SLX4: variants seen among roughly 807,000 people sequenced by gnomAD.
SLX4 encodes the protein structure-specific endonuclease subunit SLX4.
Under a neutral mutation model 146.2 loss-of-function variants are expected in SLX4, and 112 were observed. The observed-to-expected ratio is 0.77, with a 90% CI of 0.66 to 0.90. The LOEUF is 0.90. Among genes scored for constraint, SLX4 ranks in the 40% least tolerant of loss-of-function variants. SLX4 has a pLI of 0.00. For missense variants in SLX4, 2,563 were observed against 2,392.7 expected (o/e 1.07, Z -1.49); for synonymous variants, 1,061 against 997.7 (o/e 1.06, Z -1.20).
At chr16:3,594,861 C>CA (rs1323306284) in intron 9 of SLX4, among the ~76,000 whole-genome samples, 1 of 152,184 alleles carries the variant, frequency 6.6e-6, no homozygotes, top group East Asian at 1.9e-4. Flanking sequence ...AGATGCCAGA[C>CA]ATGGGGCTAG....
Position 3,609,218 on chromosome 16 carries a change from C to A in SLX4, c.-254G>T, listed in dbSNP as rs889892552. ...GGTCAGAAGTTCGAGACCAGCCTGG[C>A]CAATATGGTGAAACCTCGTTTCAAC... On this transcript the variant is annotated 5_prime_UTR_variant, in exon 2 of 15. Coordinates refer to ENST00000294008, the MANE Select transcript of SLX4 (RefSeq NM_032444.4). The A allele has an allele frequency of 7.2e-5, 31 of 427,918 alleles. No homozygotes were observed. The highest frequency in any genetic ancestry group is 1.2e-4 in the Non-Finnish European group (28 of 230,166). The allele number at this position is 427,918 out of a possible 1,614,324, so 26.5% of individuals were successfully genotyped here.
intron 3 of SLX4, among the ~76,000 whole-genome samples, chr16:3,604,995 C>G (rs1394758539): frequency 6.7e-6 from 1 of 148,970 alleles, no homozygotes; most frequent in Admixed American, 6.7e-5. Context: ...AATCACAGCT[C>G]ACTGCAGCTC....
intron 3 of SLX4, among the ~76,000 whole-genome samples, chr16:3,605,593 G>A (rs1038133351): frequency 6.6e-6 from 1 of 151,948 alleles, no homozygotes; most frequent in African/African-American, 2.4e-5. Flanking sequence ...AATACTGAGG[G>A]TTATCTTTTT....
intron 2 of SLX4, 40 bp downstream of exon 2, chr16:3,608,390 G>A: frequency 6.2e-7 from 1 of 1,611,146 alleles, no homozygotes. Context: ...GCCCTTTCCA[G>A]GAAGTTTTCC....
intron 3 of SLX4, among the ~76,000 whole-genome samples, chr16:3,602,548 C>T (rs989411815): frequency 9.9e-5 from 15 of 152,160 alleles, no homozygotes; most frequent in African/African-American, 3.6e-4. Context: ...GGAAGCTTGT[C>T]GACACTCAGA....
chr16:3,593,017 T>A (rs1046877683), intron 10 of SLX4, 152 bp from the exon 11 acceptor site: 41 of 724,674 alleles, frequency 5.7e-5, no homozygotes, highest in Admixed American at 1.2e-4. Flanking sequence ...TAGAGTACAG[T>A]GGTGTGATCA....
At chr16:3,588,872 G>T in intron 12 of SLX4, 130 bp downstream of exon 12, 1 of 1,142,384 alleles carries the variant, frequency 8.8e-7, no homozygotes, top group Non-Finnish European at 1.3e-6. Flanking sequence ...GGAAGGCAGC[G>T]GAAGTGTCAT....
intron 3 of SLX4, among the ~76,000 whole-genome samples, chr16:3,605,352 G>A (rs1012963858): frequency 2.0e-5 from 3 of 152,002 alleles, no homozygotes; most frequent in Non-Finnish European, 2.9e-5. Context: ...GCCTCCCAAA[G>A]TGCTGGCATT....
chr16:3,581,817 C>T lies in SLX4; in HGVS notation c.*525G>A, dbSNP rs975065382. The stretch of plus-strand genomic sequence containing the variant: ...CAGCACTTTGGGAGGCCGCAGCAGG[C>T]GGATTGCCTGAGCTCTGGAGTTTGT... On this transcript the variant is annotated 3_prime_UTR_variant, in exon 15 of 15. Transcript: ENST00000294008. 7 of 168,452 alleles carry T rather than the reference C, an allele frequency of 4.2e-5. No individual in the cohort carries two copies. The highest frequency in any genetic ancestry group is 6.5e-5 in the Non-Finnish European group (5 of 77,092). 10.4% of individuals were successfully genotyped at this position (168,452 alleles called of 1,614,324 possible).
In SLX4 at chr16:3,589,789, G is replaced by T. The variant is rs200928592; in HGVS notation, c.3849C>A (p.Ala1283=). 3 of 1,613,378 alleles carry T rather than the reference G, an allele frequency of 1.9e-6. No homozygotes were observed. Among genetic ancestry groups the T allele is most frequent in the Non-Finnish European group, 2.5e-6 (3 of 1,180,026 alleles). Residue 1283 remains alanine (A), a synonymous_variant, in exon 12 of 15, where the codon GCC becomes GCA. Coordinates refer to ENST00000294008, the MANE Select transcript of SLX4 (RefSeq NM_032444.4). This position sits in a 1 kb window ranked among gnomAD's most constrained non-coding sequence, Gnocchi z 6.2. ...TQISSLRSGL[A]VQAVTQHTPR... is the part of the protein sequence containing the mutation. Reference sequence around the variant, plus strand: ...GCGTGTGCTGAGTCACCGCCTGCACGGCCAGCCCGCTCCTGAGGCTGCTGA... The same window carrying T: ...GCGTGTGCTGAGTCACCGCCTGCACTGCCAGCCCGCTCCTGAGGCTGCTGA...
In SLX4 at chr16:3,598,641, G is replaced by A. The variant is rs1204585803; in HGVS notation, c.1164-642C>T. ...AATAAGCTGGGCAAGAAGGAGGAGG[G>A]CAGAGGTGACAAAGGAACTTAGCAC... On this transcript the variant is annotated intron_variant, in intron 5 of 14. Transcript: ENST00000294008. Among the ~76,000 whole-genome samples the A allele has an allele frequency of 5.9e-5, 9 of 152,242 alleles. No individual in the cohort carries two copies. The East Asian group carries it at 1.7e-3, about 29-fold the overall frequency.
Position 3,583,274 on chromosome 16 carries a change from G to A in SLX4, c.4976C>T (p.Pro1659Leu). 6.2e-7 allele frequency: 1 copy of A among 1,614,202 alleles called. No individual in the cohort carries two copies. Among genetic ancestry groups the A allele is most frequent in the Non-Finnish European group, 8.5e-7 (1 of 1,180,034 alleles). Residue 1659 changes from proline to leucine, a missense_variant, in exon 14 of 15, where the codon CCT (proline) becomes CTT (leucine). Physicochemically the swap from Pro to Leu is moderately conservative, Grantham distance 98 (BLOSUM62 -3). Transcript: ENST00000294008. ...ATGTCGGGGGCCCTTGGTCTTAGCA[G>A]GTCCCTTGGGCCTATGGGCCCCAGG... is the stretch of plus-strand genomic sequence containing the variant. ...TGPGAHRPKG[P>L]AKTKGPRHQR...
At chr16:3,594,652 C>G (rs944174034) in intron 9 of SLX4, 53 bp from the exon 10 acceptor site, 6 of 1,612,580 alleles carry the variant, frequency 3.7e-6, no homozygotes, top group Non-Finnish European at 4.2e-6. Context: ...GCTCTGCTAA[C>G]TGGGCAGTGG....
At chr16:3,607,851 C>A (rs1028286546) in intron 2 of SLX4, among the ~76,000 whole-genome samples, 1 of 152,212 alleles carries the variant, frequency 6.6e-6, no homozygotes. Flanking sequence ...CCCAGTCCAA[C>A]TTACCCACTT....
chr16:3,591,949 G>A (rs2040599395), intron 11 of SLX4, among the ~76,000 whole-genome samples: 1 of 152,128 alleles, frequency 6.6e-6, no homozygotes, highest in Non-Finnish European at 1.5e-5. Flanking sequence ...GAGGTCAGGA[G>A]TTCAAGAACA....
At chr16:3,600,939 G>A (rs1283772975) in intron 5 of SLX4, 40 bp downstream of exon 5, 6 of 1,604,912 alleles carry the variant, frequency 3.7e-6, no homozygotes, top group African/African-American at 1.3e-5. Flanking sequence ...AGTGCACACA[G>A]CATTATTTGG....
intron 9 of SLX4, 97 bp downstream of exon 9, chr16:3,595,508 C>A: frequency 2.2e-6 from 3 of 1,368,810 alleles, no homozygotes; most frequent in Non-Finnish European, 2.1e-6. Flanking sequence ...ACTGCACTTG[C>A]GTTGGGGGCC....
In SLX4 at chr16:3,581,722, G is replaced by T; in HGVS notation, c.*620C>A. The T allele has an allele frequency of 6.4e-6, 1 of 157,226 alleles. No individual in the cohort carries two copies. The highest frequency in any genetic ancestry group is 1.4e-5 in the Non-Finnish European group (1 of 71,102). 9.7% of individuals were successfully genotyped at this position (157,226 alleles called of 1,614,324 possible). On this transcript the variant is annotated 3_prime_UTR_variant, in exon 15 of 15. Transcript: ENST00000294008. ...CTGGTGATGGCCCACTGCCCCCTGG[G>T]ACAGCTGAGGGCCCTCTTGGGTTAA...
rs139304111 is a variant in SLX4 at position 3,583,250 on chromosome 16, T to G, written c.5000A>C (p.His1667Pro). Reference protein sequence around the residue: ...KGPAKTKGPRHQRKHHESITP... With the variant: ...KGPAKTKGPRPQRKHHESITP... ...GATGCTTTCATGATGCTTCCTTTGATGTCGGGGGCCCTTGGTCTTAGCAGG... is the reference window on the plus strand; with the variant it reads ...GATGCTTTCATGATGCTTCCTTTGAGGTCGGGGGCCCTTGGTCTTAGCAGG... Residue 1667 changes from histidine (H) to proline (P), a missense_variant, in exon 14 of 15, where the codon CAT becomes CCT. Physicochemically the swap from His to Pro is moderately conservative, Grantham distance 77. Transcript: ENST00000294008. The G allele has an allele frequency of 1.9e-6, 3 of 1,614,186 alleles. No individual in the cohort carries two copies. The highest frequency in any genetic ancestry group is 2.5e-6 in the Non-Finnish European group (3 of 1,180,034).
Sources: gnomAD v4.1 joint callset for allele counts (sites outside exome capture counted in the v4.1 genomes callset) on GRCh38, gnomAD v4.1.1 for gene constraint, Gnocchi (gnomAD v3.1) non-coding constraint, MANE v1.5 for transcripts, NCBI Gene and HGNC (gene_info 2026-07-23, HGNC 2026-07-21) for gene names.